The following DACH1 variants were observed in gnomAD, a reference collection of about 807,000 sequenced individuals.
The protein encoded by DACH1 is dachshund family transcription factor 1.
Under a neutral mutation model 54.2 loss-of-function variants are expected in DACH1, and 12 were observed. The observed-to-expected ratio is 0.22, with a 90% CI of 0.14 to 0.36. The LOEUF (loss-of-function observed/expected upper bound fraction) is 0.36. Ranked by LOEUF, DACH1 falls within the 10% of genes least tolerant of loss-of-function variation. The probability of loss-of-function intolerance (pLI) is 1.00; values close to 1 mark genes in which losing one functional copy is unlikely to be tolerated. For missense variants in DACH1, 805 were observed against 929.8 expected (o/e 0.87, Z 1.75); for synonymous variants, 386 against 366.2 (o/e 1.05, Z -0.62).
chr13:71,865,450 C>G (rs2138305567), intron 1 of DACH1, among the ~76,000 whole-genome samples: 1 of 152,284 alleles, frequency 6.6e-6, no homozygotes, highest in East Asian at 1.9e-4. Flanking sequence ...CCCCCCGCCC[C>G]CGGGACACCG....
chr13:71,864,897 T>C (rs1207544215), intron 1 of DACH1, among the ~76,000 whole-genome samples: 3 of 152,042 alleles, frequency 2.0e-5, no homozygotes, highest in African/African-American at 7.3e-5. Context: ...AGCATCCCAG[T>C]GCAAAGTGTG....
At chr13:71,654,729 G>T (rs1878971287) in intron 2 of DACH1, among the ~76,000 whole-genome samples, 1 of 151,966 alleles carries the variant, frequency 6.6e-6, no homozygotes, top group South Asian at 2.1e-4. Flanking sequence ...CAACTTCAAA[G>T]CCTAAAATGC....
intron 6 of DACH1, among the ~76,000 whole-genome samples, chr13:71,496,286 T>TA (rs1282424143): frequency 8.1e-6 from 1 of 123,852 alleles, no homozygotes; most frequent in Non-Finnish European, 1.7e-5. Context: ...TATATATATA[T>TA]ATATATATAT....
At chr13:71,833,285 A>T (rs1888662563) in intron 1 of DACH1, among the ~76,000 whole-genome samples, 1 of 151,974 alleles carries the variant, frequency 6.6e-6, no homozygotes, top group Non-Finnish European at 1.5e-5. Flanking sequence ...ATACAGAGCT[A>T]GGTTATTTAA....
At chr13:71,738,293 G>A (rs35686110) in intron 1 of DACH1, among the ~76,000 whole-genome samples, 4,105 of 152,178 alleles carry the variant, frequency 0.027, 75 homozygotes, top group Non-Finnish European at 0.043. Flanking sequence ...GGGTGAGTGA[G>A]GAGAGAGGGG....
intron 1 of DACH1, among the ~76,000 whole-genome samples, chr13:71,730,655 C>T (rs1883700767): frequency 6.6e-6 from 1 of 152,074 alleles, no homozygotes; most frequent in African/African-American, 2.4e-5. Context: ...ACACACTCTT[C>T]ATTATTTGGC....
At chr13:71,611,041 T>A (rs576628295) in intron 3 of DACH1, among the ~76,000 whole-genome samples, 17 of 152,292 alleles carry the variant, frequency 1.1e-4, no homozygotes, top group African/African-American at 4.1e-4. Flanking sequence ...GATGCAATGA[T>A]CTCGTTGTGA....
rs142029596 is a variant in DACH1 at position 71,527,702 on chromosome 13, A to G, written c.1570+29322T>C. On this transcript the variant is annotated intron_variant, in intron 6 of 10. Transcript: ENST00000613252. ...AACACCAAATATTTGCAGCTGAGGA[A>G]CATTTGGTCTGGCTTAAATTAACAT... Among the ~76,000 whole-genome samples the G allele has an allele frequency of 9.2e-5, 14 of 152,296 alleles. No homozygotes were observed. The East Asian group carries it at 2.7e-3, about 29-fold the overall frequency.
intron 1 of DACH1, among the ~76,000 whole-genome samples, chr13:71,824,366 T>A (rs1888302959): frequency 6.6e-6 from 1 of 151,714 alleles, no homozygotes; most frequent in Admixed American, 6.6e-5. Context: ...CAGACTGAAA[T>A]TAAGGAAGAG....
At chr13:71,474,559 T>G (rs867006363) in intron 10 of DACH1, among the ~76,000 whole-genome samples, 3 of 152,172 alleles carry the variant, frequency 2.0e-5, no homozygotes, top group Non-Finnish European at 4.4e-5. Context: ...ATTTAGCTCT[T>G]CTGAGCATTT....
At chr13:71,631,950 G>A (rs1877137072) in intron 2 of DACH1, among the ~76,000 whole-genome samples, 1 of 151,834 alleles carries the variant, frequency 6.6e-6, no homozygotes, top group Non-Finnish European at 1.5e-5. Context: ...AATACAAAAA[G>A]TAGCTGGGCA....
At chr13:71,688,255 G>A (rs377425189) in intron 1 of DACH1, among the ~76,000 whole-genome samples, 6 of 152,202 alleles carry the variant, frequency 3.9e-5, no homozygotes, top group Non-Finnish European at 1.5e-5. Context: ...ATTAATGTAT[G>A]TATATCAATA....
At chr13:71,484,746 C>G (rs1470018389) in intron 7 of DACH1, among the ~76,000 whole-genome samples, 1 of 151,980 alleles carries the variant, frequency 6.6e-6, no homozygotes, top group African/African-American at 2.4e-5. Context: ...TGTTCACAAC[C>G]CTATGTGCCA....
intron 1 of DACH1, among the ~76,000 whole-genome samples, chr13:71,834,800 A>C (rs540008349): frequency 1.3e-5 from 2 of 152,074 alleles, no homozygotes; most frequent in South Asian, 4.1e-4. Flanking sequence ...TCATGTGCAC[A>C]TTTTTGCATT....
chr13:71,581,028 A>G (rs1204833271), intron 3 of DACH1, among the ~76,000 whole-genome samples: 1 of 147,904 alleles, frequency 6.8e-6, no homozygotes, highest in Non-Finnish European at 1.5e-5. Flanking sequence ...CACGTGGTCA[A>G]GCCTGTGTCT....
rs185291667 is a variant in DACH1 at position 71,701,087 on chromosome 13, A to G, written c.849-19177T>C. 8.5e-5 allele frequency among the ~76,000 whole-genome samples: 13 copies of G among 152,328 alleles called. No homozygotes were observed. In the East Asian group the frequency reaches 2.5e-3, roughly 29 times the overall value. On this transcript the variant is annotated intron_variant, in intron 1 of 10. Coordinates refer to ENST00000613252, the MANE Select transcript of DACH1 (RefSeq NM_080759.6). ...TCTTAAAGCATAAGTAGATGTTTAT[A>G]ATTTGCATGCATACATCAGAAATAA... is the stretch of plus-strand genomic sequence containing the variant.
intron 1 of DACH1, among the ~76,000 whole-genome samples, chr13:71,756,296 G>A (rs1223021594): frequency 6.6e-6 from 1 of 151,738 alleles, no homozygotes; most frequent in Non-Finnish European, 1.5e-5. Flanking sequence ...GCCCGCCTTG[G>A]CCTCCCAAAG....
rs1354042264 is a variant in DACH1 at position 71,798,319 on chromosome 13, CATACAT to C, written c.848+67597_848+67602del. On this transcript the variant is annotated intron_variant, in intron 1 of 10. Coordinates refer to ENST00000613252, the MANE Select transcript of DACH1 (RefSeq NM_080759.6). ...AGATGATTTTAAAGAGAACTTGTTA[CATACAT>C]ATATATATATATATATATATATATA... 1.0e-3 allele frequency among the ~76,000 whole-genome samples: 87 copies of C among 85,466 alleles called. 2 individuals carry two copies. Among genetic ancestry groups the C allele is most frequent in the African/African-American group, 3.1e-3 (60 of 19,362 alleles). The allele number at this position is 85,466 out of a possible 152,430, so 56.1% of individuals were successfully genotyped here.
rs143146419 is a variant in DACH1, at chr13:71,710,367, T to C, written c.849-28457A>G. 5.1e-4 allele frequency among the ~76,000 whole-genome samples: 78 copies of C among 152,006 alleles called. No homozygotes were observed. In the East Asian group the frequency reaches 0.015, roughly 29 times the overall value. The stretch of plus-strand genomic sequence containing the variant: ...ACGCAAATTGGACCATTGAGAGGGA[T>C]GCGCAGAGGATCATAGAAAGCCCCA... On this transcript the variant is annotated intron_variant, in intron 1 of 10. Transcript: ENST00000613252.
Sources: gnomAD v4.1 joint callset for allele counts (sites outside exome capture counted in the v4.1 genomes callset) on GRCh38, gnomAD v4.1.1 for gene constraint, MANE v1.5 for transcripts, NCBI Gene and HGNC (gene_info 2026-07-23, HGNC 2026-07-21) for gene names.